CSMD2: variants seen among roughly 807,000 people sequenced by gnomAD.
The protein encoded by CSMD2 is CUB and Sushi multiple domains 2, also known as CUB and sushi domain-containing protein 2.
Under a neutral mutation model 398.5 loss-of-function variants are expected in CSMD2, and 130 were observed. The ratio of observed to expected loss-of-function variants is 0.33; its 90% confidence interval spans 0.28 to 0.38. The LOEUF (loss-of-function observed/expected upper bound fraction) is 0.38, where lower values mean the gene tolerates loss of function less well. Among genes scored for constraint, CSMD2 ranks in the 10% least tolerant of loss-of-function variants. CSMD2 has a pLI of 1.00. For synonymous variants in CSMD2, 1,828 were observed against 1,908.5 expected, an observed-to-expected ratio of 0.96 and a Z score of 1.10; for missense variants, 3,829 against 4,764.9, an observed-to-expected ratio of 0.80 and a Z score of 5.78.
At chr1:33,668,319 C>T (rs530624364) in intron 25 of CSMD2, among the ~76,000 whole-genome samples, 3 of 152,266 alleles carry the variant, frequency 2.0e-5, no homozygotes, top group Non-Finnish European at 4.4e-5. Context: ...TTCCGATTTA[C>T]ATTTTGCGAT....
At chr1:34,013,573 T>C (rs890807920) in intron 3 of CSMD2, among the ~76,000 whole-genome samples, 1 of 152,124 alleles carries the variant, frequency 6.6e-6, no homozygotes, top group African/African-American at 2.4e-5. Context: ...GGCGGTACTG[T>C]TCTTGGTTCC....
chr1:33,890,227 T>C (rs1236563455), intron 5 of CSMD2, among the ~76,000 whole-genome samples: 1 of 96,470 alleles, frequency 1.0e-5, no homozygotes, highest in Admixed American at 1.4e-4. Context: ...ATATTCTTTT[T>C]CTTTCTTTTT....
At chr1:33,913,891 C>A (rs567852303) in intron 5 of CSMD2, among the ~76,000 whole-genome samples, 1 of 152,034 alleles carries the variant, frequency 6.6e-6, no homozygotes, top group African/African-American at 2.4e-5. Flanking sequence ...GATTCTGGAT[C>A]TAGTGGCTTC....
At chr1:33,862,430 C>T (rs1166602528) in intron 5 of CSMD2, 1 of 143,546 alleles carries the variant, frequency 7.0e-6, no homozygotes, top group African/African-American at 2.6e-5. Context: ...AATATGTGGA[C>T]TTTCATTAAA....
intron 10 of CSMD2, among the ~76,000 whole-genome samples, chr1:33,808,841 C>A (rs555741710): frequency 3.5e-4 from 53 of 151,650 alleles, no homozygotes; most frequent in African/African-American, 1.2e-3. Context: ...ACTGCCAATA[C>A]CAATTAAAAA....
At chr1:33,730,455 C>A (rs542635965) in intron 15 of CSMD2, among the ~76,000 whole-genome samples, 3 of 151,900 alleles carry the variant, frequency 2.0e-5, no homozygotes, top group Non-Finnish European at 4.4e-5. Flanking sequence ...TTAAGCAAAT[C>A]AATAAACTGA....
chr1:33,585,809 TCGCAC>T (rs2148745010), intron 46 of CSMD2, among the ~76,000 whole-genome samples: 1 of 152,358 alleles, frequency 6.6e-6, no homozygotes, highest in African/African-American at 2.4e-5. Context: ...GAAACAGTAG[TCGCAC>T]TAATGATAAT....
intron 3 of CSMD2, among the ~76,000 whole-genome samples, chr1:33,992,373 C>T (rs1306774305): frequency 1.3e-5 from 2 of 151,974 alleles, no homozygotes; most frequent in African/African-American, 4.8e-5. Flanking sequence ...TGCCCTTCTA[C>T]TTCTTTGTAT....
intron 15 of CSMD2, among the ~76,000 whole-genome samples, chr1:33,732,623 T>TA (rs778310150): frequency 3.0e-4 from 46 of 151,930 alleles, no homozygotes; most frequent in Admixed American, 5.9e-4. Context: ...TGTGAGAAAA[T>TA]AAATTTATGT....
rs529158815 is a variant in CSMD2, at chr1:33,984,314, C to T, written c.517+48280G>A. On this transcript the variant is annotated intron_variant, in intron 3 of 70. Coordinates refer to ENST00000373381, the MANE Select transcript of CSMD2 (RefSeq NM_001281956.2). ...AGTGCTTCTTCAACAGTGTAGAGAT[C>T]ACTTGTGGATCTTGAAAGTGCAACA... Among the ~76,000 whole-genome samples the T allele has an allele frequency of 6.6e-5, 10 of 152,278 alleles. No homozygotes were observed. In the South Asian group the frequency reaches 2.1e-3, roughly 32 times the overall value.
chr1:33,517,970 C>T (rs1011319173), intron 70 of CSMD2, among the ~76,000 whole-genome samples: 8 of 152,268 alleles, frequency 5.3e-5, no homozygotes, highest in African/African-American at 1.9e-4. Flanking sequence ...TTCCTCGCTG[C>T]ACTGCCATTT....
intron 29 of CSMD2, among the ~76,000 whole-genome samples, chr1:33,641,969 G>A (rs757497196): frequency 4.6e-5 from 7 of 152,182 alleles, no homozygotes; most frequent in Non-Finnish European, 1.0e-4. Flanking sequence ...ATCCCATGAT[G>A]CTGCTCAGTG....
In CSMD2 at chr1:33,571,728, TG is replaced by T. The variant is rs1232741584; in HGVS notation, c.7763-3del. ...TACTGACATCAGGACAAGTCACAGC[TG>T]GGGAAATGAGGAAAAGAAAGGAGGA... On this transcript the variant is annotated splice_polypyrimidine_tract_variant and splice_region_variant and intron_variant, in intron 50 of 70. Transcript: ENST00000373381. 1.4e-6 allele frequency: 2 copies of T among 1,469,678 alleles called. No individual in the cohort carries two copies. The highest frequency in any genetic ancestry group is 1.4e-5 in the African/African-American group (1 of 71,558). 91.0% of individuals were successfully genotyped at this position (1,469,678 alleles called of 1,614,324 possible).
At chr1:33,798,185 G>A (rs868550894) in intron 10 of CSMD2, among the ~76,000 whole-genome samples, 9 of 152,136 alleles carry the variant, frequency 5.9e-5, no homozygotes, top group East Asian at 3.9e-4. Flanking sequence ...CTCACAAAGC[G>A]CCTTTCGGAG....
intron 41 of CSMD2, 117 bp downstream of exon 41, chr1:33,610,924 C>G (rs778307450): frequency 1.0e-6 from 1 of 993,822 alleles, no homozygotes; most frequent in African/African-American, 1.6e-5. Flanking sequence ...GGCCTGCCAC[C>G]GCAACCCACC....
intron 9 of CSMD2, chr1:33,814,281 C>G (rs1253035303): frequency 6.6e-6 from 1 of 152,146 alleles, no homozygotes; most frequent in Admixed American, 6.5e-5. Context: ...TGCCACCATA[C>G]AGTTGAGCTT....
chr1:33,943,276 G>A (rs1213675565), intron 3 of CSMD2, among the ~76,000 whole-genome samples: 2 of 152,182 alleles, frequency 1.3e-5, no homozygotes, highest in Non-Finnish European at 2.9e-5. Context: ...CTTGTGATCT[G>A]ACTGTTGCTG....
intron 1 of CSMD2, among the ~76,000 whole-genome samples, chr1:34,156,786 T>C (rs544585588): frequency 6.6e-6 from 1 of 152,324 alleles, no homozygotes; most frequent in South Asian, 2.1e-4. Context: ...TTTAGCATCA[T>C]AAAAGTTCCT....
chr1:33,554,870 C>T (rs1465461245), intron 55 of CSMD2, among the ~76,000 whole-genome samples: 1 of 152,188 alleles, frequency 6.6e-6, no homozygotes, highest in Non-Finnish European at 1.5e-5. Context: ...AGCTCCTGTA[C>T]ATCAGAACTG....
Sources: gnomAD v4.1 joint callset for allele counts (sites outside exome capture counted in the v4.1 genomes callset) on GRCh38, gnomAD v4.1.1 for gene constraint, MANE v1.5 for transcripts, NCBI Gene and HGNC (gene_info 2026-07-23, HGNC 2026-07-21) for gene names.